AP3B1: variants seen among roughly 807,000 people sequenced by gnomAD.
AP3B1 encodes adaptor related protein complex 3 subunit beta 1.
In AP3B1, 61 loss-of-function variants were observed where a neutral mutation model predicts 132.5. The ratio of observed to expected loss-of-function variants is 0.46; its 90% CI spans 0.37 to 0.57. The LOEUF is 0.57. Ranked by LOEUF, AP3B1 falls within the 20% of genes least tolerant of loss-of-function variation. The pLI, the probability that AP3B1 is intolerant of heterozygous loss-of-function variation, is 0.00. For synonymous variants in AP3B1, 388 were observed against 438.3 expected (o/e 0.89, Z 1.43); for missense variants, 1,120 against 1,289.4 (o/e 0.87, Z 2.01).
At chr5:78,118,807 G>C (rs958568416) in intron 17 of AP3B1, among the ~76,000 whole-genome samples, 9 of 152,230 alleles carry the variant, frequency 5.9e-5, no homozygotes, top group South Asian at 2.1e-4. Context: ...GTCCCTGTCT[G>C]ACAGCTTTGA....
chr5:78,251,830 C>CA (rs1162464957), intron 2 of AP3B1, among the ~76,000 whole-genome samples: 2 of 152,216 alleles, frequency 1.3e-5, no homozygotes, highest in East Asian at 3.9e-4. Flanking sequence ...GAGCACGCAA[C>CA]ATACTGAGAT....
At chr5:78,245,284 T>A (rs1265809030) in intron 2 of AP3B1, among the ~76,000 whole-genome samples, 1 of 152,214 alleles carries the variant, frequency 6.6e-6, no homozygotes, top group African/African-American at 2.4e-5. Flanking sequence ...GTGGTTTAAA[T>A]GAATCTCCTT....
At chr5:78,202,688 A>G (rs1745347045) in intron 7 of AP3B1, among the ~76,000 whole-genome samples, 1 of 152,104 alleles carries the variant, frequency 6.6e-6, no homozygotes, top group Admixed American at 6.6e-5. Context: ...TCTGAGGGCA[A>G]ACAACTAACT....
intron 21 of AP3B1, among the ~76,000 whole-genome samples, chr5:78,091,631 G>A (rs955619375): frequency 2.0e-5 from 3 of 152,186 alleles, no homozygotes; most frequent in Admixed American, 6.5e-5. Flanking sequence ...ATTTGAATAA[G>A]AGGAAAGAAA....
intron 14 of AP3B1, among the ~76,000 whole-genome samples, chr5:78,146,486 A>C (rs2112337283): frequency 6.6e-6 from 1 of 152,196 alleles, no homozygotes; most frequent in East Asian, 1.9e-4. Flanking sequence ...TTGTATTTTA[A>C]TTTCTTTTAT....
At chr5:78,074,305 T>C (rs1561388693) in intron 22 of AP3B1, among the ~76,000 whole-genome samples, 1 of 152,060 alleles carries the variant, frequency 6.6e-6, no homozygotes. Context: ...AATTTAAGAA[T>C]TAAAGCAACC....
intron 1 of AP3B1, among the ~76,000 whole-genome samples, chr5:78,291,086 T>A (rs1243493334): frequency 1.3e-5 from 2 of 152,200 alleles, no homozygotes; most frequent in African/African-American, 4.8e-5. Flanking sequence ...CATAAAGCCA[T>A]CTAATTCTGC....
At chr5:78,116,481 T>A (rs1211607624) in intron 17 of AP3B1, among the ~76,000 whole-genome samples, 2 of 152,274 alleles carry the variant, frequency 1.3e-5, no homozygotes, top group African/African-American at 4.8e-5. Context: ...TTTTTAAAAC[T>A]TTTGTGTTTT....
chr5:78,138,149 T>C (rs1422204602), intron 15 of AP3B1, among the ~76,000 whole-genome samples: 2 of 152,222 alleles, frequency 1.3e-5, no homozygotes, highest in Non-Finnish European at 2.9e-5. Flanking sequence ...ATCAAGTTGA[T>C]AGTGCTTAAA....
chr5:78,118,281 T>C (rs541425903), intron 17 of AP3B1, among the ~76,000 whole-genome samples: 1 of 152,202 alleles, frequency 6.6e-6, no homozygotes, highest in East Asian at 1.9e-4. Flanking sequence ...GGGTGATTTC[T>C]GCATTTCCAT....
At chr5:78,073,759 A>C (rs1749647663) in intron 22 of AP3B1, among the ~76,000 whole-genome samples, 1 of 152,190 alleles carries the variant, frequency 6.6e-6, no homozygotes, top group Non-Finnish European at 1.5e-5. Context: ...TAAAAATCAT[A>C]ATCTTAGGGA....
At chr5:78,143,208 C>A (rs75854873) in intron 14 of AP3B1, among the ~76,000 whole-genome samples, 4 of 151,834 alleles carry the variant, frequency 2.6e-5, no homozygotes, top group Non-Finnish European at 1.5e-5. Flanking sequence ...ATTAAAAAGA[C>A]GATCCCAAAA....
chr5:78,024,697 C>T (rs1247069866), intron 24 of AP3B1, among the ~76,000 whole-genome samples: 1 of 151,106 alleles, frequency 6.6e-6, no homozygotes, highest in Non-Finnish European at 1.5e-5. Context: ...CCCTAGTAGC[C>T]GGGATTACAG....
rs75230657 is a variant in AP3B1 at position 78,038,923 on chromosome 5, T to C, written c.2809+120A>G. 3.0e-3 allele frequency: 1,971 copies of C among 655,804 alleles called. 26 individuals are homozygous for C. The African/African-American group carries it at 0.032, about 11-fold the overall frequency. 40.6% of individuals were successfully genotyped at this position (655,804 alleles called of 1,614,324 possible). A position where few individuals can be genotyped will look rare whatever the true frequency, so the allele number is the denominator to read the frequency against. On this transcript the variant is annotated intron_variant, in intron 23 of 26. Coordinates refer to ENST00000255194, the MANE Select transcript of AP3B1 (RefSeq NM_003664.5). ...AGCAAATATAAACTGAATATGCTAATTGTCAATACAATCATATTCTACTTT... is the reference window on the plus strand; with the variant it reads ...AGCAAATATAAACTGAATATGCTAACTGTCAATACAATCATATTCTACTTT...
intron 7 of AP3B1, among the ~76,000 whole-genome samples, chr5:78,191,696 T>A (rs1744841283): frequency 6.6e-6 from 1 of 152,096 alleles, no homozygotes; most frequent in African/African-American, 2.4e-5. Context: ...CAACAACTTA[T>A]CAGAAAGGAA....
At chr5:78,031,250 T>C (rs1561363279) in intron 24 of AP3B1, among the ~76,000 whole-genome samples, 1 of 152,134 alleles carries the variant, frequency 6.6e-6, no homozygotes, top group African/African-American at 2.4e-5. Flanking sequence ...CTGACTAAAG[T>C]TTTATTTTTT....
At position 78,227,511 on chromosome 5, in the gene AP3B1, C is replaced by A. The variant is rs1334633510; in HGVS notation, c.397G>T (p.Ala133Ser). 5 of 1,613,562 alleles carry A rather than the reference C, an allele frequency of 3.1e-6. No homozygotes were observed. The African/African-American group carries it at 5.3e-5, about 17-fold the overall frequency. Reference protein sequence around the residue: ...ALKDPNQLIRASALRVLSSIR... With the variant: ...ALKDPNQLIRSSALRVLSSIR... ...CTTGACAGAACTCTCAAAGCGCTTG[C>A]ACGAATTAGTTGGTTTGGGTCCTAA... Residue 133 changes from alanine (A) to serine (S), a missense_variant, in exon 5 of 27, where the codon GCA becomes TCA. Physicochemically the swap from Ala to Ser is moderately conservative, Grantham distance 99. Around this residue, in one of 3 missense-constraint regions of AP3B1, gnomAD observed 129 missense variants for 212.4 expected, o/e 0.61. Transcript: ENST00000255194.
chr5:78,123,361 C>CTAAAGAGCTTCTG (rs1752314315), intron 17 of AP3B1, among the ~76,000 whole-genome samples: 1 of 152,144 alleles, frequency 6.6e-6, no homozygotes. Flanking sequence ...CGTAATTAAA[C>CTAAAGAGCTTCTG]TAAAGAGCTT....
At chr5:78,112,990 T>C (rs1751661419) in intron 19 of AP3B1, among the ~76,000 whole-genome samples, 1 of 152,262 alleles carries the variant, frequency 6.6e-6, no homozygotes, top group African/African-American at 2.4e-5. Flanking sequence ...TAGGGCATTA[T>C]GCTGTGTTTG....
Sources: allele counts gnomAD v4.1 joint callset (sites outside exome capture counted in the v4.1 genomes callset), GRCh38; gene constraint gnomAD v4.1.1; regional missense constraint gnomAD v4.1.1; transcripts MANE v1.5; gene names NCBI Gene and HGNC (gene_info 2026-07-23, HGNC 2026-07-21).